Variants in CD8B2 observed in about 807,000 individuals in gnomAD.
The protein encoded by CD8B2 is CD8B family member 2, also known as T-cell surface glycoprotein CD8 beta-2 chain.
CD8B2 carries 11 observed loss-of-function variants against 23.7 expected under a neutral mutation model. The observed-to-expected ratio is 0.46, with a 90% CI of 0.29 to 0.77. The LOEUF is 0.77. CD8B2 is among the 30% of genes least tolerant of loss of function. CD8B2 has a pLI of 0.09. For synonymous variants in CD8B2, 90 were observed against 109.3 expected, an observed-to-expected ratio of 0.82 and a Z score of 1.10; for missense variants, 197 against 270.5, an observed-to-expected ratio of 0.73 and a Z score of 1.91.
Position 106,507,315 on chromosome 2 carries a change from T to C in CD8B2, c.*375T>C, listed in dbSNP as rs1473774113. 23 of 1,035,060 alleles carry C rather than the reference T, an allele frequency of 2.2e-5. No homozygotes were observed. Among genetic ancestry groups the C allele is most frequent in the Non-Finnish European group, 2.7e-5 (23 of 862,080 alleles). The allele number at this position is 1,035,060 out of a possible 1,614,324, so 64.1% of individuals were successfully genotyped here. ...GCTTTGCCCTGGTAGGGCAGTAACA[T>C]TGGGTCCTGGGTCTTTCATGGGGTG... On this transcript the variant is annotated 3_prime_UTR_variant, in exon 6 of 6. Transcript: ENST00000643224.
chr2:106,496,386 C>A (rs1382031467), intron 3 of CD8B2, 124 bp downstream of exon 3: 1 of 1,450,338 alleles, frequency 6.9e-7, no homozygotes, highest in East Asian at 2.5e-5. Context: ...CTCCCCAGCC[C>A]AAGCTAGGGT....
intron 4 of CD8B2, 79 bp downstream of exon 4, chr2:106,502,642 G>A (rs1679433142): frequency 1.4e-6 from 1 of 733,384 alleles, no homozygotes; most frequent in Non-Finnish European, 2.2e-6. Flanking sequence ...TTCTCTAGGG[G>A]AGCAGAGCAG....
chr2:106,537,577 C>A (rs1558888094), intron 5 of CD8B2, among the ~76,000 whole-genome samples: 1 of 152,196 alleles, frequency 6.6e-6, no homozygotes, highest in Non-Finnish European at 1.5e-5. Flanking sequence ...TGCTTAAAAT[C>A]TCTTTTTACT....
intron 5 of CD8B2, among the ~76,000 whole-genome samples, chr2:106,516,531 T>C (rs139134969): frequency 1.2e-3 from 180 of 152,328 alleles, no homozygotes; most frequent in Middle Eastern, 6.8e-3. Context: ...CAAGCACTTA[T>C]TGTGAGTGAT....
chr2:106,491,145 C>G lies in CD8B2; in HGVS notation c.315C>G (p.Ser105Arg). Residue 105 changes from serine to arginine, a missense_variant, in exon 2 of 6, where the codon AGC (serine) becomes AGG (arginine). Transcript: ENST00000643224. ...DASRFILNLT[S>R]VKPEDSGIYF... Reference sequence around the variant, plus strand: ...GCCGGTTCATTCTCAATCTCACAAGCGTGAAGCCGGAGGACAGTGGCATCT... The same window carrying G: ...GCCGGTTCATTCTCAATCTCACAAGGGTGAAGCCGGAGGACAGTGGCATCT... 1 of 1,613,844 alleles carries G rather than the reference C, an allele frequency of 6.2e-7. No homozygotes were observed.
At chr2:106,493,176 C>T (rs867323330) in intron 2 of CD8B2, among the ~76,000 whole-genome samples, 14 of 152,238 alleles carry the variant, frequency 9.2e-5, no homozygotes, top group South Asian at 2.1e-4. Context: ...AGACCTTCTT[C>T]GGAGCCGAAC....
intron 5 of CD8B2, among the ~76,000 whole-genome samples, chr2:106,523,560 A>G (rs1398579785): frequency 6.6e-6 from 1 of 152,142 alleles, no homozygotes; most frequent in Non-Finnish European, 1.5e-5. Context: ...TGTGTGATGC[A>G]CTGGGGGGCA....
chr2:106,509,991 G>C lies in CD8B2; in HGVS notation c.*3051G>C, dbSNP rs919455806. 7.9e-5 allele frequency: 12 copies of C among 152,118 alleles called. No homozygotes were observed. The highest frequency in any genetic ancestry group is 2.9e-4 in the African/African-American group (12 of 41,422). 9.4% of individuals were successfully genotyped at this position (152,118 alleles called of 1,614,324 possible). ...AAATTCAGACACAGTCTAATAAGGG[G>C]GTTTAGGCGGCTGCTAAGGAATGAG... On this transcript the variant is annotated 3_prime_UTR_variant, in exon 6 of 6. Transcript: ENST00000643224.
Position 106,496,756 on chromosome 2 carries a change from G to A in CD8B2, c.493+494G>A, listed in dbSNP as rs543269286. On this transcript the variant is annotated intron_variant, in intron 3 of 5. Transcript: ENST00000643224. The stretch of plus-strand genomic sequence containing the variant: ...TAGATTGGTTGCTGCCTAAGGCTGG[G>A]GGCTTGGGAAAGAAATGGGGAGTGA... 1.2e-3 allele frequency among the ~76,000 whole-genome samples: 188 copies of A among 151,770 alleles called. 1 individual carries two copies. Among genetic ancestry groups the A allele is most frequent in the Non-Finnish European group, 2.1e-3 (143 of 67,946 alleles).
intron 3 of CD8B2, 92 bp downstream of exon 3, chr2:106,496,354 A>G: frequency 7.1e-7 from 1 of 1,410,710 alleles, no homozygotes; most frequent in Non-Finnish European, 9.5e-7. Flanking sequence ...GGCACTTTCC[A>G]AGTGTCAACT....
At chr2:106,530,527 C>A (rs1005813324) in intron 5 of CD8B2, among the ~76,000 whole-genome samples, 2 of 151,676 alleles carry the variant, frequency 1.3e-5, no homozygotes, top group African/African-American at 4.8e-5. Flanking sequence ...TACAGGCGCC[C>A]GCTACCACGC....
chr2:106,532,563 T>G (rs569007745), intron 5 of CD8B2, among the ~76,000 whole-genome samples: 3 of 152,318 alleles, frequency 2.0e-5, no homozygotes, highest in East Asian at 1.9e-4. Flanking sequence ...AGTTGCCCAT[T>G]TTTATGGTTA....
intron 5 of CD8B2, among the ~76,000 whole-genome samples, chr2:106,534,474 A>C (rs1680056203): frequency 1.3e-5 from 2 of 152,220 alleles, no homozygotes; most frequent in African/African-American, 4.8e-5. Flanking sequence ...AATTTTGTTC[A>C]TTGTAACAGA....
In CD8B2 at chr2:106,509,511, T is replaced by A. The variant is rs1679580629; in HGVS notation, c.*2571T>A. On this transcript the variant is annotated 3_prime_UTR_variant, in exon 6 of 6. Transcript: ENST00000643224. ...CTGCAGGCTTTGAAATTTGACCATC[T>A]CCCTGCTGCTGTCTTTGCAATTGCA... The A allele has an allele frequency of 6.6e-6, 1 of 152,268 alleles. No individual in the cohort carries two copies. The highest frequency in any genetic ancestry group is 2.4e-5 in the African/African-American group (1 of 41,424). The allele number at this position is 152,268 out of a possible 1,614,324, so 9.4% of individuals were successfully genotyped here.
intron 5 of CD8B2, among the ~76,000 whole-genome samples, chr2:106,523,950 T>G (rs1679869046): frequency 6.6e-6 from 1 of 152,196 alleles, no homozygotes; most frequent in Non-Finnish European, 1.5e-5. Context: ...AATGTAACTT[T>G]CAAGTGTTAA....
chr2:106,515,802 G>A (rs1453448369), downstream of CD8B2, among the ~76,000 whole-genome samples: 1 of 150,148 alleles, frequency 6.7e-6, no homozygotes, highest in African/African-American at 2.4e-5. Flanking sequence ...TTCCAGAATT[G>A]GAGATCTTTA....
chr2:106,543,539 AAATT>A (rs1310741532), intron 5 of CD8B2, among the ~76,000 whole-genome samples: 1 of 151,994 alleles, frequency 6.6e-6, no homozygotes, highest in Non-Finnish European at 1.5e-5. Flanking sequence ...CAATATAAAT[AAATT>A]AATTAAACAA....
downstream of CD8B2, among the ~76,000 whole-genome samples, chr2:106,513,881 T>C (rs1189147545): frequency 3.9e-5 from 6 of 152,130 alleles, no homozygotes; most frequent in Admixed American, 3.3e-4. Context: ...TCTATCTGAG[T>C]ACCTACCCTG....
chr2:106,517,701 TTTTTTTTTTG>T (rs1679750189), intron 5 of CD8B2, among the ~76,000 whole-genome samples: 2 of 132,930 alleles, frequency 1.5e-5, no homozygotes, highest in South Asian at 4.8e-4. Context: ...ATAGCTTCTG[TTTTTTTTTTG>T]TTTTTTTGTT....
Sources: allele counts gnomAD v4.1 joint callset (sites outside exome capture counted in the v4.1 genomes callset), GRCh38; gene constraint gnomAD v4.1.1; transcripts MANE v1.5; gene names NCBI Gene and HGNC (gene_info 2026-07-23, HGNC 2026-07-21).